SLC24A2: variants seen among roughly 807,000 people sequenced by gnomAD.
The protein encoded by SLC24A2 is sodium/potassium/calcium exchanger 2.
A neutral mutation model predicts 62.0 loss-of-function variants in SLC24A2; 36 were observed. The observed-to-expected ratio is 0.58, with a 90% CI of 0.44 to 0.77. SLC24A2 has a LOEUF of 0.77. Ranked by LOEUF, SLC24A2 falls within the 30% of genes least tolerant of loss-of-function variation. The pLI is 0.00. For missense variants in SLC24A2, 846 were observed against 817.9 expected (o/e 1.03, Z -0.42); for synonymous variants, 358 against 294.0 (o/e 1.22, Z -2.23).
intron 2 of SLC24A2, among the ~76,000 whole-genome samples, chr9:19,675,865 T>C (rs1412555700): frequency 2.6e-5 from 4 of 152,166 alleles, no homozygotes; most frequent in Non-Finnish European, 5.9e-5. Context: ...CTCCCCTGAC[T>C]TCTGTCCAGG....
the SLC24A2 span, among the ~76,000 whole-genome samples, chr9:20,211,361 A>C: frequency 6.6e-6 from 1 of 152,058 alleles, no homozygotes; most frequent in African/African-American, 2.4e-5. Context: ...AAAAATACAA[A>C]ATTAGCTGGG....
At chr9:19,640,485 T>C (rs1026849473) in intron 2 of SLC24A2, among the ~76,000 whole-genome samples, 1 of 152,232 alleles carries the variant, frequency 6.6e-6, no homozygotes, top group East Asian at 1.9e-4. Context: ...CTGGAAAGTA[T>C]AGGCGTTGAT....
intron 3 of SLC24A2, 64 bp from the exon 4 acceptor site, chr9:19,619,756 G>GGTGAGGATCTTGTCTATA: frequency 8.3e-7 from 1 of 1,208,940 alleles, no homozygotes; most frequent in Non-Finnish European, 1.2e-6. Flanking sequence ...TTATAGACAA[G>GGTGAGGATCTTGTCTATA]ATCCTCACCT....
At chr9:20,125,739 C>G in the SLC24A2 span, among the ~76,000 whole-genome samples, 3 of 152,164 alleles carry the variant, frequency 2.0e-5, no homozygotes, top group Non-Finnish European at 2.9e-5. Context: ...TGTGGAAACT[C>G]AAGTTCTGAC....
At chr9:19,743,439 T>C (rs1338105393) in intron 2 of SLC24A2, among the ~76,000 whole-genome samples, 1 of 152,182 alleles carries the variant, frequency 6.6e-6, no homozygotes, top group Non-Finnish European at 1.5e-5. Flanking sequence ...AAGCTTAAAT[T>C]TGAAGAATGA....
the SLC24A2 span, among the ~76,000 whole-genome samples, chr9:19,868,555 G>A: frequency 1.3e-5 from 2 of 152,102 alleles, no homozygotes; most frequent in Non-Finnish European, 2.9e-5. Flanking sequence ...CTGTCTAGCT[G>A]TTCTTTCCAT....
the SLC24A2 span, among the ~76,000 whole-genome samples, chr9:20,303,101 A>G: frequency 2.0e-5 from 3 of 152,018 alleles, no homozygotes; most frequent in African/African-American, 4.8e-5. Flanking sequence ...ATTTTTTACT[A>G]AGATACATAG....
the SLC24A2 span, among the ~76,000 whole-genome samples, chr9:20,114,688 C>A: frequency 6.6e-6 from 1 of 152,052 alleles, no homozygotes; most frequent in Admixed American, 6.6e-5. Context: ...CTATGAATCT[C>A]CACGCATTTT....
chr9:20,105,528 C>A, the SLC24A2 span, among the ~76,000 whole-genome samples: 1 of 151,966 alleles, frequency 6.6e-6, no homozygotes, highest in African/African-American at 2.4e-5. Context: ...CAAACTAGAA[C>A]TCAGGATTAA....
At chr9:20,181,085 C>T in the SLC24A2 span, among the ~76,000 whole-genome samples, 58 of 152,060 alleles carry the variant, frequency 3.8e-4, no homozygotes, top group African/African-American at 1.4e-3. Flanking sequence ...TCTTGGCATT[C>T]GAGAGAAAAC....
At chr9:20,035,224 G>A in the SLC24A2 span, among the ~76,000 whole-genome samples, 15 of 152,092 alleles carry the variant, frequency 9.9e-5, no homozygotes, top group African/African-American at 3.6e-4. Context: ...TTTTACACCC[G>A]GAATGAAGTA....
the SLC24A2 span, among the ~76,000 whole-genome samples, chr9:20,146,871 C>T: frequency 1.3e-5 from 2 of 152,088 alleles, no homozygotes; most frequent in African/African-American, 4.8e-5. Context: ...ATGTTCTTCT[C>T]TTCACAATTC....
intron 2 of SLC24A2, among the ~76,000 whole-genome samples, chr9:19,705,169 G>A (rs1275040783): frequency 6.6e-6 from 1 of 152,142 alleles, no homozygotes; most frequent in South Asian, 2.1e-4. Context: ...TTTAGGCAAT[G>A]GAAGTAAGTT....
At chr9:19,567,440 G>A (rs538549795) in intron 7 of SLC24A2, among the ~76,000 whole-genome samples, 1 of 151,032 alleles carries the variant, frequency 6.6e-6, no homozygotes, top group Non-Finnish European at 1.5e-5. Context: ...CAGCTACTTG[G>A]GAGGCTGAGG....
At chr9:19,932,148 C>T in the SLC24A2 span, among the ~76,000 whole-genome samples, 1 of 151,954 alleles carries the variant, frequency 6.6e-6, no homozygotes, top group African/African-American at 2.4e-5. Flanking sequence ...AAAAATAGTA[C>T]CGAACCATAG....
At chr9:19,948,789 G>A in the SLC24A2 span, among the ~76,000 whole-genome samples, 1 of 143,862 alleles carries the variant, frequency 7.0e-6, no homozygotes, top group Non-Finnish European at 1.5e-5. Context: ...AGCTTGCAGT[G>A]AGCGGAGATC....
intron 2 of SLC24A2, among the ~76,000 whole-genome samples, chr9:19,627,695 A>G (rs1818070104): frequency 1.3e-5 from 2 of 152,046 alleles, no homozygotes; most frequent in Non-Finnish European, 2.9e-5. Context: ...CCAGATAATT[A>G]CGAAAAAAAA....
chr9:20,186,809 G>A, the SLC24A2 span, among the ~76,000 whole-genome samples: 1 of 152,120 alleles, frequency 6.6e-6, no homozygotes, highest in Non-Finnish European at 1.5e-5. Flanking sequence ...TAATCAACGA[G>A]AGACATTTTT....
chr9:20,225,132 G>A, the SLC24A2 span, among the ~76,000 whole-genome samples: 89 of 152,156 alleles, frequency 5.8e-4, no homozygotes, highest in South Asian at 1.0e-3. Flanking sequence ...CTCAGGCTTT[G>A]CTGCTAGGGA....
Sources: gnomAD v4.1 joint callset for allele counts (sites outside exome capture counted in the v4.1 genomes callset) on GRCh38, gnomAD v4.1.1 for gene constraint, MANE v1.5 for transcripts, NCBI Gene and HGNC (gene_info 2026-07-23, HGNC 2026-07-21) for gene names.